Variants in ABCB10 observed in about 807,000 individuals in gnomAD.
ABCB10 encodes the protein ATP binding cassette subfamily B member 10, also known as ATP-binding cassette sub-family B member 10, mitochondrial.
ABCB10 carries 54 observed loss-of-function variants against 65.4 expected under a neutral mutation model. That is an observed-to-expected ratio of 0.83 (90% CI 0.66 to 1.04). ABCB10 has a LOEUF of 1.04. ABCB10 is among the 50% of genes least tolerant of loss of function. The pLI is 0.00. For missense variants in ABCB10, 846 were observed against 976.6 expected, an observed-to-expected ratio of 0.87 and a Z score of 1.78; for synonymous variants, 418 against 406.5, an observed-to-expected ratio of 1.03 and a Z score of -0.34.
intron 11 of ABCB10, 38 bp downstream of exon 11, chr1:229,521,554 C>T (rs769477656): frequency 6.4e-6 from 10 of 1,558,818 alleles, no homozygotes; most frequent in East Asian, 2.3e-5. Context: ...TAAAAATAAT[C>T]CCTAATTTAA....
intron 1 of ABCB10, among the ~76,000 whole-genome samples, chr1:229,554,321 G>A (rs1043725743): frequency 1.3e-5 from 2 of 152,166 alleles, no homozygotes; most frequent in African/African-American, 4.8e-5. Flanking sequence ...GGAGAAGAAA[G>A]ATCTGAGCCC....
intron 10 of ABCB10, 104 bp downstream of exon 10, chr1:229,525,832 A>G: frequency 1.4e-6 from 2 of 1,390,596 alleles, no homozygotes; most frequent in Non-Finnish European, 2.0e-6. Context: ...AGCAAGACTC[A>G]AGACTCCGTC....
intron 6 of ABCB10, among the ~76,000 whole-genome samples, chr1:229,535,472 T>A (rs984725803): frequency 6.6e-6 from 1 of 152,068 alleles, no homozygotes; most frequent in Non-Finnish European, 1.5e-5. Flanking sequence ...AAAGAGCCAA[T>A]CAAATGCTAC....
intron 6 of ABCB10, among the ~76,000 whole-genome samples, chr1:229,534,244 T>C (rs770007258): frequency 5.3e-5 from 8 of 152,204 alleles, no homozygotes; most frequent in Non-Finnish European, 8.8e-5. Context: ...TCTATCAGAA[T>C]GGCTAAAAGC....
rs1662790896 is a variant in ABCB10 at position 229,539,450 on chromosome 1, AT to A, written c.1339+5del. On this transcript the variant is annotated splice_donor_5th_base_variant and intron_variant, in intron 6 of 12. Transcript: ENST00000344517. ...GTAACACCCCAAGCCTATTTAAATT[AT>A]TTACCTCCAATGCTTATTCCAACCC... The A allele has an allele frequency of 6.2e-7, 1 of 1,613,832 alleles. No homozygotes were observed. The highest frequency in any genetic ancestry group is 8.5e-7 in the Non-Finnish European group (1 of 1,179,810).
intron 3 of ABCB10, among the ~76,000 whole-genome samples, chr1:229,543,145 A>C (rs957799966): frequency 9.2e-5 from 14 of 152,020 alleles, no homozygotes; most frequent in Non-Finnish European, 1.5e-4. Context: ...AAAAAAAAAA[A>C]AAAAACAGCA....
chr1:229,542,897 G>C (rs576593125), intron 3 of ABCB10, among the ~76,000 whole-genome samples: 1 of 152,128 alleles, frequency 6.6e-6, no homozygotes, highest in African/African-American at 2.4e-5. Flanking sequence ...TTGGGAGGCC[G>C]AGGCGGGCAG....
At position 229,540,687 on chromosome 1, in the gene ABCB10, G is replaced by A. The variant is rs768147554; in HGVS notation, c.1122C>T (p.Ile374=). The change falls in exon 5 of 13, where the codon ATC becomes ATT. Residue 374 remains isoleucine (I), a synonymous_variant. Coordinates refer to ENST00000344517, the MANE Select transcript of ABCB10 (RefSeq NM_012089.3). ...GGTCCACTTTGCTGGCATATTTCTCGATTTCAGTCATTTCTTTCCCAAAAG... is the reference window on the plus strand; with the variant it reads ...GGTCCACTTTGCTGGCATATTTCTCAATTTCAGTCATTTCTTTCCCAAAAG... The part of the protein sequence containing the change: ...VRAFGKEMTE[I]EKYASKVDHV... The A allele has an allele frequency of 2.4e-5, 39 of 1,613,134 alleles. No homozygotes were observed. Among genetic ancestry groups the A allele is most frequent in the African/African-American group, 1.9e-4 (14 of 74,848 alleles).
At chr1:229,552,785 T>C (rs1663147902) in intron 1 of ABCB10, among the ~76,000 whole-genome samples, 1 of 152,178 alleles carries the variant, frequency 6.6e-6, no homozygotes, top group Non-Finnish European at 1.5e-5. Context: ...TTCACCCTCA[T>C]CTTATCCTCG....
chr1:229,518,602 CAG>C (rs1217365581), intron 12 of ABCB10, among the ~76,000 whole-genome samples, 192 bp from the exon 13 acceptor site: 2 of 152,172 alleles, frequency 1.3e-5, no homozygotes, highest in African/African-American at 4.8e-5. Flanking sequence ...TTACAGCTTA[CAG>C]AGTGATTAGG....
intron 11 of ABCB10, chr1:229,519,141 G>A: frequency 3.1e-6 from 1 of 326,768 alleles, no homozygotes; most frequent in Non-Finnish European, 5.6e-6. Context: ...TTGCATGGCT[G>A]CTAAAGAGTA....
intron 3 of ABCB10, among the ~76,000 whole-genome samples, chr1:229,546,289 T>C (rs1662965773): frequency 6.6e-6 from 1 of 152,182 alleles, no homozygotes; most frequent in South Asian, 2.1e-4. Flanking sequence ...TACTCTGTTA[T>C]AAGAACATAG....
intron 11 of ABCB10, among the ~76,000 whole-genome samples, chr1:229,520,513 CA>C (rs35593030): frequency 4.8e-3 from 607 of 126,476 alleles, no homozygotes; most frequent in African/African-American, 5.0e-3. Flanking sequence ...CACATGAGAC[CA>C]AAAAAAAAAA....
intron 1 of ABCB10, among the ~76,000 whole-genome samples, chr1:229,551,819 T>A (rs1663124217): frequency 6.6e-6 from 1 of 152,220 alleles, no homozygotes. Flanking sequence ...TCCTGGCAAA[T>A]TCAGGATTCA....
intron 1 of ABCB10, among the ~76,000 whole-genome samples, chr1:229,556,856 C>T (rs1663260812): frequency 6.6e-6 from 1 of 152,224 alleles, no homozygotes; most frequent in South Asian, 2.1e-4. Context: ...CTCTGAGCGC[C>T]TGCTCTGTGC....
At chr1:229,537,619 T>C (rs1289714866) in intron 6 of ABCB10, among the ~76,000 whole-genome samples, 1 of 152,066 alleles carries the variant, frequency 6.6e-6, no homozygotes. Flanking sequence ...AAACCCCGTC[T>C]CTATTAAAAA....
chr1:229,541,239 T>C (rs932086927), intron 4 of ABCB10, among the ~76,000 whole-genome samples: 19 of 152,234 alleles, frequency 1.2e-4, no homozygotes, highest in African/African-American at 4.6e-4. Context: ...TTTTCTTTTT[T>C]TTCTGGAGCG....
At chr1:229,555,263 G>A (rs1480539531) in intron 1 of ABCB10, among the ~76,000 whole-genome samples, 2 of 152,220 alleles carry the variant, frequency 1.3e-5, no homozygotes, top group Admixed American at 1.3e-4. Flanking sequence ...GCCAGGCACA[G>A]CCAGACGGTT....
In ABCB10 at chr1:229,558,369, C is replaced by T. The variant is rs1467976833; in HGVS notation, c.284G>A (p.Arg95His). The T allele has an allele frequency of 5.4e-5, 67 of 1,251,954 alleles. No individual in the cohort carries two copies. The highest frequency in any genetic ancestry group is 9.4e-5 in the Admixed American group (3 of 31,996). The allele number at this position is 1,251,954 out of a possible 1,614,324, so 77.6% of individuals were successfully genotyped here. A position where few individuals can be genotyped will look rare whatever the true frequency, so the allele number is the denominator to read the frequency against. The change falls in exon 1 of 13, where the codon CGC becomes CAC. Residue 95 changes from arginine to histidine, a missense_variant. Physicochemically the swap from Arg to His is conservative, Grantham distance 29. Around this residue, in one of 2 missense-constraint regions of ABCB10, gnomAD observed 214 missense variants for 173.5 expected, o/e 1.23. Transcript: ENST00000344517. ...CCCGCACCTGCAGCTGCCGGGGCCG[C>T]GAGCCCACAGCCCCAGGAGCCGCGC... Reference protein sequence around the residue: ...GLARLLGLWARGPGSCRCGAF... With the variant: ...GLARLLGLWAHGPGSCRCGAF...
Sources: gnomAD v4.1 joint callset for allele counts (sites outside exome capture counted in the v4.1 genomes callset) on GRCh38, gnomAD v4.1.1 for gene constraint, gnomAD v4.1.1 regional missense constraint, MANE v1.5 for transcripts, NCBI Gene and HGNC (gene_info 2026-07-23, HGNC 2026-07-21) for gene names.